Variants in OSBPL2 observed in about 807,000 individuals in gnomAD.
OSBPL2 encodes the protein oxysterol binding protein like 2.
Under a neutral mutation model 58.4 loss-of-function variants are expected in OSBPL2, and 18 were observed. The ratio of observed to expected loss-of-function variants is 0.31; its 90% confidence interval spans 0.21 to 0.46. The LOEUF (loss-of-function observed/expected upper bound fraction) is 0.46, where lower values mean the gene tolerates loss of function less well. Among genes scored for constraint, OSBPL2 ranks in the 20% least tolerant of loss-of-function variants. OSBPL2 has a pLI of 1.00. For synonymous variants in OSBPL2, 221 were observed against 234.1 expected (o/e 0.94, Z 0.51); for missense variants, 461 against 616.5 (o/e 0.75, Z 2.67).
chr20:62,274,071 C>A (rs974971513), intron 6 of OSBPL2, among the ~76,000 whole-genome samples: 2 of 152,208 alleles, frequency 1.3e-5, no homozygotes, highest in African/African-American at 4.8e-5. Context: ...AGACGTGAGA[C>A]TGACTCCAAG....
At chr20:62,271,459 T>C (rs569606307) in intron 4 of OSBPL2, among the ~76,000 whole-genome samples, 1 of 151,866 alleles carries the variant, frequency 6.6e-6, no homozygotes, top group East Asian at 1.9e-4. Context: ...CTACTCTGTT[T>C]TTTTGTTTTT....
chr20:62,269,540 A>G lies in OSBPL2; in HGVS notation c.259-2585A>G, dbSNP rs1981914773. ...GATACCATCTCTCCTCTCCTGAGCA[A>G]GGCAGCGTCTCCCCCATGCTCAGGG... On this transcript the variant is annotated intron_variant, in intron 4 of 13. Coordinates refer to ENST00000313733, the MANE Select transcript of OSBPL2 (RefSeq NM_144498.4). The surrounding 1 kb of genome is among the most constrained non-coding windows in gnomAD (Gnocchi z 4.2). Among the ~76,000 whole-genome samples the G allele has an allele frequency of 6.6e-6, 1 of 152,118 alleles. No homozygotes were observed. Among genetic ancestry groups the G allele is most frequent in the South Asian group, 2.1e-4 (1 of 4,822 alleles).
chr20:62,244,773 G>GC (rs1391300035), intron 1 of OSBPL2, among the ~76,000 whole-genome samples: 2 of 152,252 alleles, frequency 1.3e-5, no homozygotes, highest in African/African-American at 4.8e-5. Flanking sequence ...GGCCACACTG[G>GC]CCGCGAGGCC....
At chr20:62,242,294 T>C (rs541412402) in intron 1 of OSBPL2, 1 of 152,370 alleles carries the variant, frequency 6.6e-6, no homozygotes, top group South Asian at 2.1e-4. Context: ...CGTGAACTTT[T>C]TGGCACTTCT....
chr20:62,286,947 T>C (rs1266879752), intron 11 of OSBPL2, among the ~76,000 whole-genome samples: 1 of 152,268 alleles, frequency 6.6e-6, no homozygotes, highest in Non-Finnish European at 1.5e-5. Context: ...TGGGCACCGC[T>C]GCTCCATAGG....
At chr20:62,253,781 C>T (rs1980732289) in intron 1 of OSBPL2, among the ~76,000 whole-genome samples, 1 of 89,650 alleles carries the variant, frequency 1.1e-5, no homozygotes, top group Non-Finnish European at 2.5e-5. Context: ...CCAAACTCGC[C>T]CTTTTATTTA....
intron 1 of OSBPL2, among the ~76,000 whole-genome samples, chr20:62,251,444 T>C (rs1473621448): frequency 6.6e-6 from 1 of 151,026 alleles, no homozygotes; most frequent in Non-Finnish European, 1.5e-5. Context: ...TTTTTGCTCT[T>C]GTTGCCCAGG....
intron 4 of OSBPL2, among the ~76,000 whole-genome samples, chr20:62,270,171 G>A (rs1190340731): frequency 6.6e-6 from 1 of 152,202 alleles, no homozygotes; most frequent in African/African-American, 2.4e-5. Flanking sequence ...CTGAGGCCTT[G>A]GTGGGGCCGT....
At chr20:62,278,358 C>A (rs988681345) in intron 6 of OSBPL2, 1 of 153,486 alleles carries the variant, frequency 6.5e-6, no homozygotes, top group Non-Finnish European at 1.4e-5. Context: ...AGGCCAAGTG[C>A]GATGTCGTGT....
intron 4 of OSBPL2, among the ~76,000 whole-genome samples, chr20:62,266,555 G>A (rs528070398): frequency 3.3e-5 from 5 of 150,556 alleles, no homozygotes; most frequent in South Asian, 2.1e-4. Context: ...GCTGTGGCTC[G>A]TTCTGGATCC....
At chr20:62,281,710 C>A in intron 8 of OSBPL2, 80 bp from the exon 9 acceptor site, 1 of 1,059,478 alleles carries the variant, frequency 9.4e-7, no homozygotes, top group Non-Finnish European at 1.5e-6. Flanking sequence ...GGGCCTCCAC[C>A]GCGCTTCTCC....
rs1272070688 is a variant in OSBPL2, at chr20:62,294,559, T to G, written c.*672T>G. The G allele has an allele frequency of 6.6e-5, 10 of 152,584 alleles. No individual in the cohort carries two copies. Among genetic ancestry groups the G allele is most frequent in the Non-Finnish European group, 1.2e-4 (8 of 68,084 alleles). 9.5% of individuals were successfully genotyped at this position (152,584 alleles called of 1,614,324 possible). A position where few individuals can be genotyped will look rare whatever the true frequency, so the allele number is the denominator to read the frequency against. On this transcript the variant is annotated 3_prime_UTR_variant, in exon 14 of 14. Coordinates refer to ENST00000313733, the MANE Select transcript of OSBPL2 (RefSeq NM_144498.4). ...ATCACCGGTTTTATACTGTCCAAAATGAAGCATCCCCGTGACAAACCAGAG... is the reference window on the plus strand; with the variant it reads ...ATCACCGGTTTTATACTGTCCAAAAGGAAGCATCCCCGTGACAAACCAGAG...
intron 11 of OSBPL2, 52 bp from the exon 12 acceptor site, chr20:62,289,154 GT>G (rs779014923): frequency 1.9e-6 from 3 of 1,601,754 alleles, no homozygotes; most frequent in Non-Finnish European, 2.6e-6. Flanking sequence ...TTGGAGCATA[GT>G]CCATGGTTCA....
At chr20:62,277,672 T>C (rs1034129807) in intron 6 of OSBPL2, among the ~76,000 whole-genome samples, 3 of 152,272 alleles carry the variant, frequency 2.0e-5, no homozygotes, top group Non-Finnish European at 2.9e-5. Flanking sequence ...TTACATACCT[T>C]GGTAGTCAAC....
intron 1 of OSBPL2, among the ~76,000 whole-genome samples, chr20:62,243,771 A>G (rs999043823): frequency 2.6e-5 from 4 of 152,118 alleles, no homozygotes; most frequent in Admixed American, 6.5e-5. Context: ...TGAGAACTTC[A>G]TGAATATGAA....
At position 62,289,911 on chromosome 20, in the gene OSBPL2, AAAC is replaced by A. The variant is rs200141100; in HGVS notation, c.1249+593_1249+595del. Among the ~76,000 whole-genome samples the A allele has an allele frequency of 4.9e-3, 749 of 152,308 alleles. 8 individuals carry two copies. The highest frequency in any genetic ancestry group is 0.017 in the African/African-American group (712 of 41,568). ...CAGAGTGAGACCCTGCCTCACAAACAAACAACAACAACAAAAAACACAAACAAA... is the reference window on the plus strand; with the variant it reads ...CAGAGTGAGACCCTGCCTCACAAACAAACAACAACAAAAAACACAAACAAA... On this transcript the variant is annotated intron_variant, in intron 12 of 13. Transcript: ENST00000313733.
chr20:62,240,988 A>C (rs1288472708), intron 1 of OSBPL2, among the ~76,000 whole-genome samples: 1 of 152,146 alleles, frequency 6.6e-6, no homozygotes, highest in Non-Finnish European at 1.5e-5. Context: ...GACTTCACAC[A>C]CTGCCTTAGA....
intron 6 of OSBPL2, among the ~76,000 whole-genome samples, chr20:62,277,923 G>T (rs1982490066): frequency 6.6e-6 from 1 of 152,186 alleles, no homozygotes. Flanking sequence ...GGAAATTTCA[G>T]GGGCCTTGTA....
chr20:62,283,484 G>A (rs1345808172), intron 9 of OSBPL2, among the ~76,000 whole-genome samples: 2 of 152,114 alleles, frequency 1.3e-5, no homozygotes, highest in East Asian at 1.9e-4. Flanking sequence ...TTTTAGAATC[G>A]AGAGCTCTGG....
Sources: allele counts gnomAD v4.1 joint callset (sites outside exome capture counted in the v4.1 genomes callset), GRCh38; gene constraint gnomAD v4.1.1; non-coding constraint Gnocchi (gnomAD v3.1); transcripts MANE v1.5; gene names NCBI Gene and HGNC (gene_info 2026-07-23, HGNC 2026-07-21).